Variants in NCAM2 observed in about 807,000 individuals in gnomAD.
NCAM2 encodes the protein neural cell adhesion molecule 2.
Under a neutral mutation model 98.1 loss-of-function variants are expected in NCAM2, and 30 were observed. That is an observed-to-expected ratio of 0.31 (90% CI 0.23 to 0.41). NCAM2 has a LOEUF of 0.41. Ranked by LOEUF, NCAM2 falls within the 10% of genes least tolerant of loss-of-function variation. The probability of loss-of-function intolerance (pLI) is 1.00; values close to 1 mark genes in which losing one functional copy is unlikely to be tolerated. For synonymous variants in NCAM2, 368 were observed against 342.4 expected, an observed-to-expected ratio of 1.07 and a Z score of -0.83; for missense variants, 867 against 1,005.8, an observed-to-expected ratio of 0.86 and a Z score of 1.87.
chr21:21,531,807 C>A (rs1366687152), intron 16 of NCAM2, among the ~76,000 whole-genome samples: 1 of 147,398 alleles, frequency 6.8e-6, no homozygotes, highest in Non-Finnish European at 1.5e-5. Context: ...GGTGAAACCC[C>A]GTCTCTACTA....
At chr21:21,041,558 A>G (rs2064905199) in intron 1 of NCAM2, among the ~76,000 whole-genome samples, 1 of 152,184 alleles carries the variant, frequency 6.6e-6, no homozygotes, top group African/African-American at 2.4e-5. Flanking sequence ...AACAGGTTAC[A>G]TTAAAGAGTA....
At chr21:21,450,671 A>G (rs1001598312) in intron 12 of NCAM2, among the ~76,000 whole-genome samples, 3 of 151,884 alleles carry the variant, frequency 2.0e-5, no homozygotes, top group African/African-American at 7.3e-5. Context: ...TTTTCTCTAC[A>G]TAAATACTTG....
chr21:21,281,195 A>C (rs999598231), intron 2 of NCAM2, among the ~76,000 whole-genome samples: 1 of 152,154 alleles, frequency 6.6e-6, no homozygotes, highest in Non-Finnish European at 1.5e-5. Context: ...CTGCTAATCT[A>C]GATCATTTAT....
intron 8 of NCAM2, 36 bp from the exon 9 acceptor site, chr21:21,373,827 A>G (rs1048808703): frequency 6.5e-7 from 1 of 1,543,540 alleles, no homozygotes; most frequent in Non-Finnish European, 8.7e-7. Context: ...ACACACAAGC[A>G]TAAAATCTTT....
intron 5 of NCAM2, among the ~76,000 whole-genome samples, chr21:21,294,245 A>T (rs1251462475): frequency 6.6e-6 from 1 of 151,834 alleles, no homozygotes; most frequent in Non-Finnish European, 1.5e-5. Context: ...TAAAGAAATG[A>T]TTATTCAGGT....
chr21:21,469,631 GTA>G (rs1984174522), intron 14 of NCAM2, among the ~76,000 whole-genome samples: 1 of 151,800 alleles, frequency 6.6e-6, no homozygotes, highest in South Asian at 2.1e-4. Context: ...TTACTCCATA[GTA>G]GTGTGTGGGT....
chr21:21,277,233 T>C (rs1362090138), intron 1 of NCAM2, among the ~76,000 whole-genome samples: 3 of 152,140 alleles, frequency 2.0e-5, no homozygotes, highest in African/African-American at 7.2e-5. Flanking sequence ...GTGTCAATTA[T>C]TCTGCCATTC....
At chr21:21,112,895 G>C (rs571306302) in intron 1 of NCAM2, among the ~76,000 whole-genome samples, 7 of 152,272 alleles carry the variant, frequency 4.6e-5, no homozygotes, top group Admixed American at 2.0e-4. Context: ...CACTGGCTTC[G>C]TAGGATTGGT....
At chr21:21,162,453 A>G (rs2067814154) in intron 1 of NCAM2, among the ~76,000 whole-genome samples, 1 of 152,144 alleles carries the variant, frequency 6.6e-6, no homozygotes, top group African/African-American at 2.4e-5. Flanking sequence ...AGTTGTGCTT[A>G]AAACTTTGTT....
rs147035931 is a variant in NCAM2, at chr21:21,442,922, C to A, written c.1654+10641C>A. Among the ~76,000 whole-genome samples the A allele has an allele frequency of 5.7e-4, 87 of 152,210 alleles. 1 individual carries two copies. Among genetic ancestry groups the A allele is most frequent in the Non-Finnish European group, 1.2e-3 (79 of 68,006 alleles). On this transcript the variant is annotated intron_variant, in intron 12 of 17. Transcript: ENST00000400546. The stretch of plus-strand genomic sequence containing the variant: ...CAAAAGATATTCCACAAGAAATGAT[C>A]TTTCTCTTTATCCCACCCTCGCCCC...
chr21:21,143,049 G>A (rs986837239), intron 1 of NCAM2, among the ~76,000 whole-genome samples: 6 of 152,136 alleles, frequency 3.9e-5, no homozygotes, highest in African/African-American at 1.2e-4. Flanking sequence ...TATATTCAAA[G>A]AAGTTATACT....
chr21:21,459,106 A>G (rs1023785328), intron 12 of NCAM2, among the ~76,000 whole-genome samples: 4 of 152,298 alleles, frequency 2.6e-5, no homozygotes, highest in Non-Finnish European at 5.9e-5. Context: ...GGTGCTCAGT[A>G]TCACTAATCA....
chr21:21,522,942 G>A (rs1405386027), intron 16 of NCAM2, among the ~76,000 whole-genome samples: 1 of 152,084 alleles, frequency 6.6e-6, no homozygotes, highest in African/African-American at 2.4e-5. Context: ...GTTCTTCAGA[G>A]CAGAAAAATG....
At chr21:21,132,514 T>C (rs950233772) in intron 1 of NCAM2, among the ~76,000 whole-genome samples, 18 of 152,302 alleles carry the variant, frequency 1.2e-4, no homozygotes, top group Non-Finnish European at 4.4e-5. Flanking sequence ...TTATTACAGC[T>C]TGTATTTAAT....
At chr21:21,163,997 G>C (rs548133750) in intron 1 of NCAM2, among the ~76,000 whole-genome samples, 48 of 152,130 alleles carry the variant, frequency 3.2e-4, no homozygotes, top group African/African-American at 1.1e-3. Context: ...AATTAATAAC[G>C]ATTCCTGGAA....
At chr21:21,048,819 TAC>T (rs1421514613) in intron 1 of NCAM2, among the ~76,000 whole-genome samples, 3 of 152,200 alleles carry the variant, frequency 2.0e-5, no homozygotes, top group Non-Finnish European at 4.4e-5. Flanking sequence ...AAAAATATTT[TAC>T]AGAGTTTGAC....
intron 1 of NCAM2, among the ~76,000 whole-genome samples, chr21:21,065,626 C>T (rs770919294): frequency 4.1e-4 from 63 of 151,912 alleles, no homozygotes; most frequent in Non-Finnish European, 5.6e-4. Flanking sequence ...ATCAATATAC[C>T]GCAGGGTTTC....
chr21:21,120,192 T>G (rs2146561986), intron 1 of NCAM2, among the ~76,000 whole-genome samples: 1 of 152,348 alleles, frequency 6.6e-6, no homozygotes. Flanking sequence ...TAATGCATTT[T>G]CTAAGTATAT....
At chr21:21,221,870 A>C (rs553905676) in intron 1 of NCAM2, among the ~76,000 whole-genome samples, 1 of 152,158 alleles carries the variant, frequency 6.6e-6, no homozygotes, top group Non-Finnish European at 1.5e-5. Flanking sequence ...GATACCATCT[A>C]TGTGACTTTC....
Sources: gnomAD v4.1 joint callset for allele counts (sites outside exome capture counted in the v4.1 genomes callset) on GRCh38, gnomAD v4.1.1 for gene constraint, MANE v1.5 for transcripts, NCBI Gene and HGNC (gene_info 2026-07-23, HGNC 2026-07-21) for gene names.